Variants in SCN8A observed in about 807,000 individuals in gnomAD.
SCN8A encodes sodium voltage-gated channel alpha subunit 8, also known as sodium channel protein type 8 subunit alpha.
In SCN8A, 30 loss-of-function variants were observed where a neutral mutation model predicts 184.1. The observed-to-expected ratio is 0.16, with a 90% confidence interval of 0.12 to 0.22. The LOEUF is 0.22. SCN8A is among the 10% of genes least tolerant of loss of function. The pLI is 1.00. For missense variants in SCN8A, 1,057 were observed against 2,498.9 expected, an observed-to-expected ratio of 0.42 and a Z score of 12.30; for synonymous variants, 852 against 907.0, an observed-to-expected ratio of 0.94 and a Z score of 1.09.
intron 1 of SCN8A, among the ~76,000 whole-genome samples, chr12:51,602,271 A>G (rs1939483522): frequency 1.3e-5 from 2 of 152,166 alleles, no homozygotes; most frequent in South Asian, 2.1e-4. Flanking sequence ...AAACATCACT[A>G]TGTACCCCAT....
At chr12:51,749,678 A>G (rs909174448) in intron 13 of SCN8A, among the ~76,000 whole-genome samples, 10 of 152,062 alleles carry the variant, frequency 6.6e-5, no homozygotes, top group Admixed American at 3.9e-4. Flanking sequence ...CAAGGCAACC[A>G]TTTTCTTAGC....
At chr12:51,792,317 CAA>C (rs71092722) in intron 25 of SCN8A, among the ~76,000 whole-genome samples, 43 of 84,812 alleles carry the variant, frequency 5.1e-4, no homozygotes, top group Admixed American at 8.6e-4. Context: ...CCCATCTGTA[CAA>C]AAAAAAAAAA....
intron 1 of SCN8A, among the ~76,000 whole-genome samples, chr12:51,643,430 A>G (rs1195128131): frequency 6.6e-6 from 1 of 152,234 alleles, no homozygotes; most frequent in African/African-American, 2.4e-5. Flanking sequence ...TAACGTTCAT[A>G]GGTATTACAC....
intron 2 of SCN8A, among the ~76,000 whole-genome samples, chr12:51,683,755 C>T (rs761276978): frequency 2.0e-5 from 3 of 152,138 alleles, no homozygotes; most frequent in Non-Finnish European, 2.9e-5. Flanking sequence ...TTAAACTCTT[C>T]GGGCCAAGAC....
At chr12:51,642,195 A>G (rs1322874382) in intron 1 of SCN8A, among the ~76,000 whole-genome samples, 2 of 152,184 alleles carry the variant, frequency 1.3e-5, no homozygotes, top group African/African-American at 4.8e-5. Flanking sequence ...AGCATGAGGA[A>G]AATAGCTAAT....
chr12:51,751,091 G>A (rs1047203251), intron 13 of SCN8A, among the ~76,000 whole-genome samples: 2 of 152,142 alleles, frequency 1.3e-5, no homozygotes, highest in African/African-American at 4.8e-5. Context: ...GACCTGAGAG[G>A]CCAAGCTCTT....
intron 25 of SCN8A, among the ~76,000 whole-genome samples, chr12:51,791,194 T>C (rs929844029): frequency 1.3e-5 from 2 of 152,080 alleles, no homozygotes; most frequent in Non-Finnish European, 2.9e-5. Context: ...TTAGCAACTT[T>C]AAAAAACAGA....
At position 51,807,480 on chromosome 12, in the gene SCN8A, A is replaced by C; in HGVS notation, c.*51A>C. On this transcript the variant is annotated 3_prime_UTR_variant, in exon 27 of 27. Coordinates refer to ENST00000627620, the MANE Select transcript of SCN8A (RefSeq NM_001330260.2). The surrounding 1 kb of genome is among the most constrained non-coding windows in gnomAD (Gnocchi z 4.5). ...CAGATCTAAAACTCGCAAGTGAAAG[A>C]TTGTTTACAAACTTCCTGAATATTA... The C allele has an allele frequency of 6.5e-7, 1 of 1,528,638 alleles. No individual in the cohort carries two copies. The highest frequency in any genetic ancestry group is 1.2e-5 in the South Asian group (1 of 84,168). 94.7% of individuals were successfully genotyped at this position (1,528,638 alleles called of 1,614,324 possible). A position where few individuals can be genotyped will look rare whatever the true frequency, so the allele number is the denominator to read the frequency against.
chr12:51,657,545 G>C (rs1940846407), intron 1 of SCN8A, among the ~76,000 whole-genome samples: 1 of 152,076 alleles, frequency 6.6e-6, no homozygotes, highest in Non-Finnish European at 1.5e-5. Context: ...CAGAGGAATA[G>C]TTCACAAATA....
intron 1 of SCN8A, among the ~76,000 whole-genome samples, chr12:51,605,740 A>T (rs1357886344): frequency 6.6e-6 from 1 of 152,164 alleles, no homozygotes; most frequent in African/African-American, 2.4e-5. Context: ...TGTTCACTGC[A>T]TCCACACCAA....
chr12:51,615,998 G>A (rs72644890), intron 1 of SCN8A, among the ~76,000 whole-genome samples: 3,368 of 152,166 alleles, frequency 0.022, 184 homozygotes, highest in East Asian at 0.18. Context: ...TCCCAAAATG[G>A]TGAGACTACA....
intron 19 of SCN8A, among the ~76,000 whole-genome samples, chr12:51,771,033 C>T (rs897501000): frequency 3.3e-5 from 5 of 152,214 alleles, no homozygotes; most frequent in Admixed American, 6.5e-5. Flanking sequence ...TGTTATTCCT[C>T]CACTTACTGT....
intron 1 of SCN8A, among the ~76,000 whole-genome samples, chr12:51,635,495 GA>G (rs1373679431): frequency 1.3e-5 from 2 of 152,110 alleles, no homozygotes; most frequent in African/African-American, 4.8e-5. Context: ...ATGAATGAAC[GA>G]AAGGTCACAA....
At position 51,658,524 on chromosome 12, in the gene SCN8A, G is replaced by A. The variant is rs151244907; in HGVS notation, c.-54-4240G>A. On this transcript the variant is annotated intron_variant, in intron 1 of 26. Coordinates refer to ENST00000627620, the MANE Select transcript of SCN8A (RefSeq NM_001330260.2). ...CTGATACATGCTACATTATGGATGAGCCTTGAGAACACTATGCTAAGTGAA... is the reference window on the plus strand; with the variant it reads ...CTGATACATGCTACATTATGGATGAACCTTGAGAACACTATGCTAAGTGAA... 9.1e-3 allele frequency among the ~76,000 whole-genome samples: 1,391 copies of A among 152,194 alleles called. 19 individuals are homozygous for A. The highest frequency in any genetic ancestry group is 0.032 in the African/African-American group (1,332 of 41,550).
chr12:51,625,467 C>G (rs1010996956), intron 1 of SCN8A, among the ~76,000 whole-genome samples: 1 of 152,192 alleles, frequency 6.6e-6, no homozygotes, highest in East Asian at 1.9e-4. Context: ...CACAAAGCTG[C>G]TATAAATATT....
chr12:51,660,016 G>A (rs891192287), intron 1 of SCN8A, among the ~76,000 whole-genome samples: 1 of 152,144 alleles, frequency 6.6e-6, no homozygotes, highest in Non-Finnish European at 1.5e-5. Flanking sequence ...AATTACCAAT[G>A]TACAAATTAT....
rs1244123242 is a variant in SCN8A, at chr12:51,607,851, G to T, written c.-55+16492G>T. ...AGCTAATATTTTGTGAAGGATTTTAGCATCTGTATTCATCAAGGATATCTG... is the reference window on the plus strand; with the variant it reads ...AGCTAATATTTTGTGAAGGATTTTATCATCTGTATTCATCAAGGATATCTG... On this transcript the variant is annotated intron_variant, in intron 1 of 26. Transcript: ENST00000627620. Among the ~76,000 whole-genome samples, 4 of 152,158 alleles carry T rather than the reference G, an allele frequency of 2.6e-5. No homozygotes were observed. The East Asian group carries it at 7.7e-4, about 29-fold the overall frequency.
chr12:51,653,233 T>C (rs1465763022), intron 1 of SCN8A, among the ~76,000 whole-genome samples: 1 of 152,132 alleles, frequency 6.6e-6, no homozygotes, highest in Non-Finnish European at 1.5e-5. Context: ...GACAGGAGAA[T>C]TGCTTGAACC....
chr12:51,804,010 C>T (rs1592172734), intron 26 of SCN8A, among the ~76,000 whole-genome samples: 1 of 152,260 alleles, frequency 6.6e-6, no homozygotes, highest in East Asian at 1.9e-4. Flanking sequence ...TTAAATCCCT[C>T]ATGTCAGCTG....
Sources: allele counts gnomAD v4.1 joint callset (sites outside exome capture counted in the v4.1 genomes callset), GRCh38; gene constraint gnomAD v4.1.1; non-coding constraint Gnocchi (gnomAD v3.1); transcripts MANE v1.5; gene names NCBI Gene and HGNC (gene_info 2026-07-23, HGNC 2026-07-21).